The following MOCOS variants were observed in gnomAD, a reference collection of about 807,000 sequenced individuals.
MOCOS encodes human molybdenum cofactor sulfurase.
Under a neutral mutation model 83.6 loss-of-function variants are expected in MOCOS, and 86 were observed. The observed-to-expected ratio is 1.03, with a 90% CI of 0.86 to 1.23. The LOEUF (loss-of-function observed/expected upper bound fraction) is 1.23. Among genes scored for constraint, MOCOS ranks in the 50% most tolerant of loss-of-function variants. The probability of loss-of-function intolerance (pLI) is 0.00; values close to 1 mark genes in which losing one functional copy is unlikely to be tolerated. For missense variants in MOCOS, 1,120 were observed against 1,126.9 expected (o/e 0.99, Z 0.09); for synonymous variants, 445 against 434.7 (o/e 1.02, Z -0.29).
chr18:36,190,555 C>T (rs1329421205), intron 1 of MOCOS, among the ~76,000 whole-genome samples: 1 of 151,920 alleles, frequency 6.6e-6, no homozygotes, highest in East Asian at 1.9e-4. Flanking sequence ...TCAAGACCAG[C>T]CTGGGCAACA....
rs1194372871 is a variant in MOCOS, at chr18:36,270,016, G to C, written c.*1331G>C. The C allele has an allele frequency of 6.6e-6, 1 of 152,230 alleles. No individual in the cohort carries two copies. The highest frequency in any genetic ancestry group is 1.5e-5 in the Non-Finnish European group (1 of 68,048). 9.4% of individuals were successfully genotyped at this position (152,230 alleles called of 1,614,324 possible). ...AGATTTGAAAGATGAGGTGTGCTCT[G>C]TTCTCAAGGATTGTTGAGATGGAGC... On this transcript the variant is annotated 3_prime_UTR_variant, in exon 15 of 15. Coordinates refer to ENST00000261326, the MANE Select transcript of MOCOS (RefSeq NM_017947.4).
chr18:36,239,242 C>T (rs946652565), intron 9 of MOCOS, among the ~76,000 whole-genome samples: 2 of 152,144 alleles, frequency 1.3e-5, no homozygotes, highest in African/African-American at 2.4e-5. Context: ...ATGATCGTTA[C>T]ATTTTGGCAT....
At chr18:36,246,952 G>A (rs1283149117) in intron 9 of MOCOS, among the ~76,000 whole-genome samples, 1 of 152,036 alleles carries the variant, frequency 6.6e-6, no homozygotes, top group Admixed American at 6.6e-5. Flanking sequence ...TTGGCTATCA[G>A]GGCAAGTAGA....
chr18:36,226,463 T>A lies in MOCOS; in HGVS notation c.1960+6246T>A, dbSNP rs567620844. 2.9e-4 allele frequency among the ~76,000 whole-genome samples: 44 copies of A among 150,956 alleles called. 1 individual carries two copies. The South Asian group carries it at 9.1e-3, about 31-fold the overall frequency. Reference sequence around the variant, plus strand: ...CAGCATACAGTTGGGTTTTTTTTTATGTCTTTTTATGCTTCTTTTTTTTTA... The same window carrying A: ...CAGCATACAGTTGGGTTTTTTTTTAAGTCTTTTTATGCTTCTTTTTTTTTA... On this transcript the variant is annotated intron_variant, in intron 9 of 14. Coordinates refer to ENST00000261326, the MANE Select transcript of MOCOS (RefSeq NM_017947.4).
At chr18:36,193,682 CAAT>C (rs1408589317) in intron 1 of MOCOS, among the ~76,000 whole-genome samples, 2 of 152,128 alleles carry the variant, frequency 1.3e-5, no homozygotes, top group Admixed American at 1.3e-4. Context: ...TTGAATTAGA[CAAT>C]AATTTCTTAT....
chr18:36,215,157 A>G (rs2091470883), intron 7 of MOCOS, among the ~76,000 whole-genome samples: 1 of 152,146 alleles, frequency 6.6e-6, no homozygotes, highest in Admixed American at 6.5e-5. Context: ...CCCCGGGTAG[A>G]CCTTGAGGTT....
intron 2 of MOCOS, among the ~76,000 whole-genome samples, chr18:36,197,118 T>G (rs905616703): frequency 7.2e-5 from 11 of 151,952 alleles, no homozygotes; most frequent in Admixed American, 6.6e-4. Flanking sequence ...CCTTCCTCCT[T>G]GAAAGTGGAT....
intron 7 of MOCOS, among the ~76,000 whole-genome samples, chr18:36,214,341 C>T (rs935291513): frequency 1.3e-5 from 2 of 151,716 alleles, no homozygotes; most frequent in African/African-American, 4.8e-5. Flanking sequence ...TTGAGGCCAA[C>T]CATTTAAAGG....
intron 1 of MOCOS, among the ~76,000 whole-genome samples, chr18:36,194,243 A>G (rs1437345663): frequency 6.6e-6 from 1 of 152,212 alleles, no homozygotes; most frequent in African/African-American, 2.4e-5. Flanking sequence ...GTTAAAAACC[A>G]CTGAATTGTA....
At chr18:36,193,438 T>C (rs1280535305) in intron 1 of MOCOS, among the ~76,000 whole-genome samples, 4 of 146,416 alleles carry the variant, frequency 2.7e-5, no homozygotes, top group African/African-American at 1.0e-4. Context: ...AATAAACCCA[T>C]ATGTCTATGG....
chr18:36,239,896 T>C (rs371777996), intron 9 of MOCOS, among the ~76,000 whole-genome samples: 1 of 152,096 alleles, frequency 6.6e-6, no homozygotes. Context: ...CATCTTCCAT[T>C]GCTGATACTC....
intron 14 of MOCOS, among the ~76,000 whole-genome samples, chr18:36,267,861 C>T (rs1237743222): frequency 6.6e-6 from 1 of 152,174 alleles, no homozygotes; most frequent in Non-Finnish European, 1.5e-5. Context: ...GGAACAGTTG[C>T]AGTGAGAGTG....
chr18:36,219,982 T>C lies in MOCOS; in HGVS notation c.1798-73T>C. On this transcript the variant is annotated intron_variant, in intron 8 of 14. Transcript: ENST00000261326. ...TTCATGAAGTCTATCTGTGTTTGTG[T>C]AGCCACTGTACAAATAGGTGAAGAC... 5 of 1,569,280 alleles carry C rather than the reference T, an allele frequency of 3.2e-6. No homozygotes were observed. The South Asian group carries it at 5.6e-5, about 17-fold the overall frequency.
At chr18:36,195,486 C>T in intron 2 of MOCOS, 140 bp downstream of exon 2, 8 of 770,978 alleles carry the variant, frequency 1.0e-5, no homozygotes, top group Middle Eastern at 6.5e-4. Context: ...AGGGGCCAGG[C>T]AAGCACCCTG....
intron 13 of MOCOS, among the ~76,000 whole-genome samples, chr18:36,262,759 A>G (rs536567603): frequency 6.6e-6 from 1 of 152,332 alleles, no homozygotes; most frequent in East Asian, 1.9e-4. Context: ...TCAGCCTCCC[A>G]GTGTTGGGAT....
chr18:36,193,388 A>AAGT (rs1352800178), intron 1 of MOCOS, among the ~76,000 whole-genome samples: 1 of 150,778 alleles, frequency 6.6e-6, no homozygotes, highest in Admixed American at 6.6e-5. Context: ...ATATTGGCAT[A>AAGT]AGTATACACA....
chr18:36,205,125 CCT>C lies in MOCOS; in HGVS notation c.1068_1069del (p.Tyr357ArgfsTer22). ...CACACCTTCACCTTGGCTCAGTATA[CCT>C]ACGTGGCCCTGTCCTCTCTCCAGTA... On this transcript the variant is annotated frameshift_variant, in exon 6 of 15. Transcript: ENST00000261326. LOFTEE classifies it high-confidence loss of function. The C allele has an allele frequency of 6.2e-7, 1 of 1,613,460 alleles. No individual in the cohort carries two copies. Among genetic ancestry groups the C allele is most frequent in the Non-Finnish European group, 8.5e-7 (1 of 1,179,714 alleles).
intron 6 of MOCOS, among the ~76,000 whole-genome samples, chr18:36,210,850 C>A (rs1376247054): frequency 1.2e-4 from 6 of 48,062 alleles, no homozygotes; most frequent in Non-Finnish European, 1.8e-4. Context: ...GACTCTGTCT[C>A]AAAAAAAAAA....
chr18:36,192,076 C>T (rs61180005), intron 1 of MOCOS, among the ~76,000 whole-genome samples: 6,247 of 152,244 alleles, frequency 0.041, 392 homozygotes, highest in African/African-American at 0.13. Flanking sequence ...CTGTTCTCAC[C>T]ATTTCTATTC....
Sources: allele counts gnomAD v4.1 joint callset (sites outside exome capture counted in the v4.1 genomes callset), GRCh38; gene constraint gnomAD v4.1.1; transcripts MANE v1.5; gene names NCBI Gene and HGNC (gene_info 2026-07-23, HGNC 2026-07-21).